Variants in VPS13C observed in about 807,000 individuals in gnomAD.
VPS13C encodes the protein vacuolar protein sorting 13 homolog C, also known as intermembrane lipid transfer protein VPS13C.
A neutral mutation model predicts 456.8 loss-of-function variants in VPS13C; 358 were observed. That is an observed-to-expected ratio of 0.78 (90% CI 0.72 to 0.86). The LOEUF is 0.86. VPS13C is among the 40% of genes least tolerant of loss of function. The pLI is 0.00. For synonymous variants in VPS13C, 1,578 were observed against 1,486.7 expected, an observed-to-expected ratio of 1.06 and a Z score of -1.41; for missense variants, 4,818 against 4,385.4, an observed-to-expected ratio of 1.10 and a Z score of -2.79.
intron 1 of VPS13C, among the ~76,000 whole-genome samples, chr15:62,059,853 CTTT>C (rs2048934029): frequency 6.6e-6 from 1 of 152,186 alleles, no homozygotes; most frequent in Admixed American, 6.5e-5. Context: ...CAACTTCCTC[CTTT>C]TTTCTTAGTG....
chr15:61,931,228 A>G lies in VPS13C; in HGVS notation c.5900T>C (p.Phe1967Ser). ...ESGVAFHNDSFQLGELRLHLM... is the reference protein window; with the variant it reads ...ESGVAFHNDSSQLGELRLHLM... Reference sequence around the variant, plus strand: ...ATGTAGTCTGAGTTCACCAAGTTGGAAACTGTCATTATGAAATGCAACTCC... The same window carrying G: ...ATGTAGTCTGAGTTCACCAAGTTGGGAACTGTCATTATGAAATGCAACTCC... The change falls in exon 50 of 85, where the codon TTC (phenylalanine) becomes TCC (serine). Residue 1967 changes from phenylalanine to serine, a missense_variant. This residue lies in a region of VPS13C where 4,552 missense variants were observed against 4,130.6 expected (regional missense o/e 1.10). Transcript: ENST00000644861. 6.2e-7 allele frequency: 1 copy of G among 1,614,014 alleles called. No individual in the cohort carries two copies. The highest frequency in any genetic ancestry group is 8.5e-7 in the Non-Finnish European group (1 of 1,179,956).
In VPS13C at chr15:62,020,521, C is replaced by T; in HGVS notation, c.642G>A (p.Arg214=). The T allele has an allele frequency of 6.2e-7, 1 of 1,611,444 alleles. No homozygotes were observed. Among genetic ancestry groups the T allele is most frequent in the Non-Finnish European group, 8.5e-7 (1 of 1,178,438 alleles). Residue 214 remains arginine, a synonymous_variant, in exon 9 of 85, where the codon CGG becomes CGA. Coordinates refer to ENST00000644861, the MANE Select transcript of VPS13C (RefSeq NM_020821.3). ...CCAGTGTGACACCAAATGAAAGAGG[C>T]CGCTTTGGATCAGTGACCTACCAAA... ...KYEDDVTDPK[R]PLSFGVTLGE... is the part of the protein sequence containing the mutation.
chr15:61,876,855 CG>C (rs1895460811), intron 75 of VPS13C, 117 bp downstream of exon 75: 4 of 655,390 alleles, frequency 6.1e-6, no homozygotes. Context: ...CCACTAAATA[CG>C]GAGATTTCAA....
Position 62,025,527 on chromosome 15 carries a change from A to G in VPS13C, c.449-1682T>C, listed in dbSNP as rs368987176. 2.6e-5 allele frequency among the ~76,000 whole-genome samples: 4 copies of G among 152,242 alleles called. No individual in the cohort carries two copies. In the East Asian group the frequency reaches 7.7e-4, roughly 29 times the overall value. On this transcript the variant is annotated intron_variant, in intron 6 of 84. Transcript: ENST00000644861. Reference sequence around the variant, plus strand: ...ATTCCACTTGGCTAGAACAGCTTTCAAAGACATAGACTCAGCTGCCTCGTG... The same window carrying G: ...ATTCCACTTGGCTAGAACAGCTTTCGAAGACATAGACTCAGCTGCCTCGTG...
intron 43 of VPS13C, among the ~76,000 whole-genome samples, 172 bp from the exon 44 acceptor site, chr15:61,946,582 A>C (rs1312966140): frequency 6.6e-6 from 1 of 151,808 alleles, no homozygotes; most frequent in Non-Finnish European, 1.5e-5. Context: ...AGGTAATAAT[A>C]CCTTTAAATA....
At chr15:61,881,679 G>A (rs1203738299) in intron 70 of VPS13C, 47 bp from the exon 71 acceptor site, 1 of 1,601,132 alleles carries the variant, frequency 6.2e-7, no homozygotes, top group Non-Finnish European at 8.5e-7. Flanking sequence ...CTTTATACTA[G>A]GTTAAACTAA....
At chr15:62,000,495 C>T in intron 16 of VPS13C, 69 bp downstream of exon 16, 1 of 1,434,122 alleles carries the variant, frequency 7.0e-7, no homozygotes, top group African/African-American at 1.5e-5. Flanking sequence ...ACTTCAATTT[C>T]TTGATCCTAG....
intron 1 of VPS13C, among the ~76,000 whole-genome samples, chr15:62,049,099 T>G (rs1374197392): frequency 6.6e-6 from 1 of 152,134 alleles, no homozygotes; most frequent in African/African-American, 2.4e-5. Flanking sequence ...CAGAAGCTCT[T>G]TAGTTTAATT....
chr15:62,034,960 C>T lies in VPS13C; in HGVS notation c.280G>A (p.Ala94Thr), dbSNP rs1321754599. Residue 94 changes from alanine to threonine, a missense_variant, in exon 4 of 85, where the codon GCA (alanine) becomes ACA (threonine). Ala to Thr is a moderately conservative substitution (Grantham distance 58). This residue lies in a region of VPS13C where 4,552 missense variants were observed against 4,130.6 expected (regional missense o/e 1.10). Transcript: ENST00000644861. ...GTTATAACCTAAAATAACATACTTG[C>T]TCCAGGGACAACAAGCAGGTATAAT... is the stretch of plus-strand genomic sequence containing the variant. Reference protein sequence around the residue: ...EGLYLLVVPGASIKYDAVKEE... With the variant: ...EGLYLLVVPGTSIKYDAVKEE... The T allele has an allele frequency of 1.3e-6, 2 of 1,590,464 alleles. No individual in the cohort carries two copies. The highest frequency in any genetic ancestry group is 1.7e-6 in the Non-Finnish European group (2 of 1,166,968).
At chr15:61,985,103 A>T in intron 18 of VPS13C, 104 bp from the exon 19 acceptor site, 1 of 940,018 alleles carries the variant, frequency 1.1e-6, no homozygotes, top group Non-Finnish European at 1.4e-6. Flanking sequence ...AACCTAACAA[A>T]TACAGCATGG....
rs1271733739 is a variant in VPS13C, at chr15:61,977,063, A to G, written c.2408+19T>C. The G allele has an allele frequency of 2.0e-6, 3 of 1,523,982 alleles. No individual in the cohort carries two copies. The highest frequency in any genetic ancestry group is 2.7e-6 in the Non-Finnish European group (3 of 1,110,268). The allele number at this position is 1,523,982 out of a possible 1,614,324, so 94.4% of individuals were successfully genotyped here. ...TTTCACCTGTTGATTTTCTAATATAAAAGAAGTTTATACATTACCTGGCCA... is the reference window on the plus strand; with the variant it reads ...TTTCACCTGTTGATTTTCTAATATAGAAGAAGTTTATACATTACCTGGCCA... On this transcript the variant is annotated intron_variant, in intron 24 of 84. Coordinates refer to ENST00000644861, the MANE Select transcript of VPS13C (RefSeq NM_020821.3).
chr15:61,895,828 G>T (rs2042792607), intron 66 of VPS13C, among the ~76,000 whole-genome samples: 1 of 152,106 alleles, frequency 6.6e-6, no homozygotes, highest in South Asian at 2.1e-4. Flanking sequence ...GGCGGATAGG[G>T]AAAGATTTCT....
Position 61,878,738 on chromosome 15 carries a change from C to A in VPS13C, c.10011G>T (p.Leu3337Phe). 1 of 1,599,470 alleles carries A rather than the reference C, an allele frequency of 6.3e-7. No homozygotes were observed. Among genetic ancestry groups the A allele is most frequent in the Non-Finnish European group, 8.5e-7 (1 of 1,174,892 alleles). ...CACCTCCGGAACCCAAAGACAAACT[C>A]AAATGCAACTAAAAGAAAAATAATG... is the stretch of plus-strand genomic sequence containing the variant. The part of the protein sequence containing the change: ...HFHISPVKLH[L>F]SLSLGSGGEE... The change falls in exon 74 of 85, where the codon TTG (leucine) becomes TTT (phenylalanine). Residue 3337 changes from leucine to phenylalanine, a missense_variant. Coordinates refer to ENST00000644861, the MANE Select transcript of VPS13C (RefSeq NM_020821.3).
At chr15:61,890,061 C>T in intron 67 of VPS13C, 104 bp downstream of exon 67, 1 of 1,009,464 alleles carries the variant, frequency 9.9e-7, no homozygotes, top group Non-Finnish European at 1.5e-6. Context: ...AAATATACAG[C>T]ATACCAAAGT....
intron 3 of VPS13C, 31 bp downstream of exon 3, chr15:62,041,293 G>A: frequency 6.3e-7 from 1 of 1,585,926 alleles, no homozygotes; most frequent in Non-Finnish European, 8.5e-7. Flanking sequence ...ATAGGACCAA[G>A]AATAATTCAA....
At chr15:61,899,438 CACAAAT>C (rs1284343060) in intron 66 of VPS13C, among the ~76,000 whole-genome samples, 1 of 152,106 alleles carries the variant, frequency 6.6e-6, no homozygotes, top group Non-Finnish European at 1.5e-5. Context: ...ACCGATCCCA[CACAAAT>C]ACAAACTACC....
intron 24 of VPS13C, 78 bp downstream of exon 24, chr15:61,977,004 G>T: frequency 1.0e-6 from 1 of 998,468 alleles, no homozygotes; most frequent in Non-Finnish European, 1.5e-6. Context: ...ATCTATCTTT[G>T]CTTCCTTAAA....
chr15:61,975,391 A>T (rs2045674533), intron 24 of VPS13C, among the ~76,000 whole-genome samples: 1 of 152,066 alleles, frequency 6.6e-6, no homozygotes, highest in South Asian at 2.1e-4. Flanking sequence ...AGTGATCAGG[A>T]GAAAAATAGA....
At position 61,852,464 on chromosome 15, in the gene VPS13C, A is replaced by T. The variant is rs1008646733; in HGVS notation, c.*1993T>A. ...AGTAATTACCTCTCAAAGCATTTTT[A>T]AAAAACGCATTATTACACTTTACCA... On this transcript the variant is annotated 3_prime_UTR_variant, in exon 85 of 85. Transcript: ENST00000644861. 6.6e-6 allele frequency: 1 copy of T among 152,226 alleles called. No individual in the cohort carries two copies. Among genetic ancestry groups the T allele is most frequent in the African/African-American group, 2.4e-5 (1 of 41,464 alleles). The allele number at this position is 152,226 out of a possible 1,614,324, so 9.4% of individuals were successfully genotyped here.
Sources: gnomAD v4.1 joint callset for allele counts (sites outside exome capture counted in the v4.1 genomes callset) on GRCh38, gnomAD v4.1.1 for gene constraint, gnomAD v4.1.1 regional missense constraint, MANE v1.5 for transcripts, NCBI Gene and HGNC (gene_info 2026-07-23, HGNC 2026-07-21) for gene names.